IFI16: variants seen among roughly 807,000 people sequenced by gnomAD.
IFI16 encodes interferon gamma inducible protein 16.
Under a neutral mutation model 68.4 loss-of-function variants are expected in IFI16, and 49 were observed. The ratio of observed to expected loss-of-function variants is 0.72; its 90% CI spans 0.57 to 0.91. The LOEUF is 0.91. IFI16 is among the 40% of genes least tolerant of loss of function. The probability of loss-of-function intolerance (pLI) is 0.00; values close to 1 mark genes in which losing one functional copy is unlikely to be tolerated. For missense variants in IFI16, 878 were observed against 942.9 expected (o/e 0.93, Z 0.90); for synonymous variants, 307 against 315.0 (o/e 0.97, Z 0.27).
chr1:159,052,039 A>C lies in IFI16; in HGVS notation c.2026A>C (p.Asn676His). The part of the protein sequence containing the change: ...IRSASVTPKI[N>H]QLCSQTKGSF... ...AAGTGCCAGCGTAACTCCTAAAATC[A>C]ATCAGCTTTGCTCACAAACTAAAGG... The change falls in exon 10 of 12, where the codon AAT (asparagine) becomes CAT (histidine). Residue 676 changes from asparagine (N) to histidine (H), a missense_variant. Asn to His is a moderately conservative substitution (Grantham distance 68). Around this residue, in one of 4 missense-constraint regions of IFI16, gnomAD observed 311 missense variants for 305.1 expected, o/e 1.02. Transcript: ENST00000295809. 6.2e-7 allele frequency: 1 copy of C among 1,613,972 alleles called. No individual in the cohort carries two copies. Among genetic ancestry groups the C allele is most frequent in the East Asian group, 2.2e-5 (1 of 44,888 alleles).
chr1:159,022,544 G>A (rs867626123), intron 6 of IFI16, among the ~76,000 whole-genome samples: 1 of 152,244 alleles, frequency 6.6e-6, no homozygotes, highest in Middle Eastern at 3.4e-3. Flanking sequence ...CTAGCACTTA[G>A]AACTTTTTAA....
At chr1:159,015,709 A>T in intron 2 of IFI16, 163 bp from the exon 3 acceptor site, 2 of 596,122 alleles carry the variant, frequency 3.4e-6, no homozygotes, top group South Asian at 4.0e-5. Context: ...TGGTCTCCTT[A>T]AGGCCAGGCT....
intron 7 of IFI16, among the ~76,000 whole-genome samples, chr1:159,043,086 G>A (rs180956345): frequency 9.2e-5 from 14 of 152,290 alleles, no homozygotes; most frequent in East Asian, 1.9e-4. Flanking sequence ...CTTTCTACAT[G>A]TGGGTTTTCT....
upstream of IFI16, chr1:159,009,808 T>G (rs1652432658): frequency 6.6e-6 from 1 of 152,178 alleles, no homozygotes; most frequent in South Asian, 2.1e-4. Context: ...CCTCACCACA[T>G]GCTCCAGCCC....
chr1:159,026,744 A>G (rs922655393), intron 6 of IFI16, among the ~76,000 whole-genome samples: 1 of 152,104 alleles, frequency 6.6e-6, no homozygotes, highest in Non-Finnish European at 1.5e-5. Context: ...ATATATTCCT[A>G]AGTGTTTTAT....
At chr1:159,005,835 C>G (rs2101777872), upstream of IFI16, 1 of 152,354 alleles carries the variant, frequency 6.6e-6, no homozygotes, top group South Asian at 2.1e-4. Flanking sequence ...TTGAAGGAAG[C>G]TCAAACAATC....
At chr1:159,020,668 A>G (rs1376544022) in intron 6 of IFI16, 139 bp downstream of exon 6, 3 of 531,020 alleles carry the variant, frequency 5.6e-6, no homozygotes, top group Admixed American at 7.2e-5. Context: ...TTGTATTCAC[A>G]TTTACTTTTT....
chr1:159,051,264 C>A (rs529430127), intron 9 of IFI16, among the ~76,000 whole-genome samples: 1 of 152,142 alleles, frequency 6.6e-6, no homozygotes, highest in Admixed American at 6.5e-5. Context: ...CCTCCACGGA[C>A]CAGCAGTGCT....
intron 1 of IFI16, among the ~76,000 whole-genome samples, chr1:159,012,223 A>G (rs879913830): frequency 2.6e-5 from 4 of 152,158 alleles, no homozygotes; most frequent in Non-Finnish European, 5.9e-5. Context: ...AGACTCTTCT[A>G]TTTAAATATC....
chr1:159,050,229 A>G (rs1655261521), intron 9 of IFI16, among the ~76,000 whole-genome samples: 1 of 152,216 alleles, frequency 6.6e-6, no homozygotes, highest in Non-Finnish European at 1.5e-5. Context: ...TACTAGAAAA[A>G]TTGCACAGTT....
upstream of IFI16, among the ~76,000 whole-genome samples, chr1:159,004,266 G>A (rs1652171347): frequency 6.6e-6 from 1 of 151,944 alleles, no homozygotes; most frequent in Admixed American, 6.6e-5. Context: ...TTGAGCTCTG[G>A]AGTTTGAGAT....
chr1:159,019,227 A>C (rs1403119043), intron 5 of IFI16, among the ~76,000 whole-genome samples: 1 of 151,074 alleles, frequency 6.6e-6, no homozygotes, highest in East Asian at 1.9e-4. Flanking sequence ...TTGGAAAATC[A>C]GGTAATCTAA....
chr1:159,023,923 G>A (rs747450069), intron 6 of IFI16, among the ~76,000 whole-genome samples: 6 of 152,146 alleles, frequency 3.9e-5, no homozygotes, highest in African/African-American at 1.2e-4. Flanking sequence ...GCGGACCCCC[G>A]GGGTATTGAG....
upstream of IFI16, among the ~76,000 whole-genome samples, chr1:159,003,413 G>A (rs116318996): frequency 0.012 from 1,783 of 152,178 alleles, 29 homozygotes; most frequent in African/African-American, 0.04. Context: ...AATTACTGCC[G>A]TAAAGCTAAG....
At chr1:159,004,159 A>G (rs1571816811), upstream of IFI16, among the ~76,000 whole-genome samples, 1 of 152,018 alleles carries the variant, frequency 6.6e-6, no homozygotes, top group Admixed American at 6.6e-5. Context: ...TCTTCTTAAT[A>G]TATTAATACC....
intron 6 of IFI16, among the ~76,000 whole-genome samples, chr1:159,027,538 C>T (rs1197310394): frequency 6.6e-6 from 1 of 152,058 alleles, no homozygotes; most frequent in Non-Finnish European, 1.5e-5. Flanking sequence ...GTGATACTGG[C>T]TTCATAGAAT....
At chr1:159,050,858 TG>T (rs1030577356) in intron 9 of IFI16, among the ~76,000 whole-genome samples, 1 of 152,142 alleles carries the variant, frequency 6.6e-6, no homozygotes, top group Non-Finnish European at 1.5e-5. Flanking sequence ...TAGGAAAGTT[TG>T]TGGAGTCTTC....
chr1:159,015,044 C>A, intron 2 of IFI16, 99 bp downstream of exon 2: 2 of 1,206,202 alleles, frequency 1.7e-6, no homozygotes, highest in South Asian at 3.0e-5. Flanking sequence ...GATGTGTTTT[C>A]CCCAGTTTGT....
At chr1:159,022,119 G>A (rs746990812) in intron 6 of IFI16, among the ~76,000 whole-genome samples, 2 of 151,472 alleles carry the variant, frequency 1.3e-5, no homozygotes, top group African/African-American at 4.9e-5. Context: ...GCCCGCCACC[G>A]CCCCCGGCTA....
Sources: gnomAD v4.1 joint callset for allele counts (sites outside exome capture counted in the v4.1 genomes callset) on GRCh38, gnomAD v4.1.1 for gene constraint, gnomAD v4.1.1 regional missense constraint, MANE v1.5 for transcripts, NCBI Gene and HGNC (gene_info 2026-07-23, HGNC 2026-07-21) for gene names.